FRMD3: variants seen among roughly 807,000 people sequenced by gnomAD.
FRMD3 encodes the protein FERM domain-containing protein 3.
FRMD3 carries 33 observed loss-of-function variants against 70.2 expected under a neutral mutation model. The observed-to-expected ratio is 0.47, with a 90% CI of 0.36 to 0.63. The LOEUF (loss-of-function observed/expected upper bound fraction) is 0.63, where lower values mean the gene tolerates loss of function less well. FRMD3 is among the 20% of genes least tolerant of loss of function. The probability of loss-of-function intolerance (pLI) is 0.00; values close to 1 mark genes in which losing one functional copy is unlikely to be tolerated. For missense variants in FRMD3, 632 were observed against 711.4 expected (o/e 0.89, Z 1.27); for synonymous variants, 279 against 255.9 (o/e 1.09, Z -0.86).
At chr9:83,389,487 T>C (rs1825604310) in intron 2 of FRMD3, 117 bp downstream of exon 2, 4 of 701,012 alleles carry the variant, frequency 5.7e-6, no homozygotes, top group Admixed American at 2.2e-5. Context: ...CAGGGTTTCA[T>C]GTGCCCAATA....
chr9:83,280,082 A>C (rs528395236), intron 13 of FRMD3, among the ~76,000 whole-genome samples: 12 of 152,382 alleles, frequency 7.9e-5, no homozygotes, highest in African/African-American at 2.6e-4. Context: ...TAAGAGCAGT[A>C]GCAATCTGGA....
chr9:83,284,732 A>C lies in FRMD3; in HGVS notation c.1195+5871T>G, dbSNP rs1834119144. Among the ~76,000 whole-genome samples, 4 of 152,264 alleles carry C rather than the reference A, an allele frequency of 2.6e-5. No homozygotes were observed. The South Asian group carries it at 8.3e-4, about 31-fold the overall frequency. ...TGGTGGGAAGAAAGACACCGAAGCC[A>C]TAAGAATAGGGTAAATTTGTCTGAA... is the stretch of plus-strand genomic sequence containing the variant. On this transcript the variant is annotated intron_variant, in intron 13 of 13. Coordinates refer to ENST00000304195, the MANE Select transcript of FRMD3 (RefSeq NM_174938.6).
chr9:83,510,261 G>A lies in FRMD3; in HGVS notation c.147+27824C>T, dbSNP rs574562404. On this transcript the variant is annotated intron_variant, in intron 1 of 13. Transcript: ENST00000304195. ...CAGCTACCTAAGGAAAAAATGTATA[G>A]TCAAGATGCAGATGGAAGTTATCAG... is the stretch of plus-strand genomic sequence containing the variant. 7.2e-5 allele frequency among the ~76,000 whole-genome samples: 11 copies of A among 152,304 alleles called. No homozygotes were observed. In the South Asian group the frequency reaches 2.3e-3, roughly 32 times the overall value.
At chr9:83,445,224 A>C (rs1057120635) in intron 1 of FRMD3, among the ~76,000 whole-genome samples, 2 of 152,100 alleles carry the variant, frequency 1.3e-5, no homozygotes, top group African/African-American at 4.8e-5. Flanking sequence ...AAAAATACAA[A>C]AATTAGCTGG....
rs1829932233 is a variant in FRMD3 at position 83,537,836 on chromosome 9, C to A, written c.147+249G>T. Among the ~76,000 whole-genome samples, 1 of 150,702 alleles carries A rather than the reference C, an allele frequency of 6.6e-6. No homozygotes were observed. The highest frequency in any genetic ancestry group is 2.4e-5 in the African/African-American group (1 of 40,882). ...TAGCCCGGGCGCAGTGAGACGCGCG[C>A]GCAGGGTGCACGCGAGGGGAAGGAG... On this transcript the variant is annotated intron_variant, in intron 1 of 13. Coordinates refer to ENST00000304195, the MANE Select transcript of FRMD3 (RefSeq NM_174938.6). This position sits in a 1 kb window ranked among gnomAD's most constrained non-coding sequence, Gnocchi z 4.1.
At chr9:83,429,011 A>G (rs1165735132) in intron 1 of FRMD3, among the ~76,000 whole-genome samples, 1 of 152,198 alleles carries the variant, frequency 6.6e-6, no homozygotes, top group Admixed American at 6.5e-5. Flanking sequence ...AATGGACGGC[A>G]TGGCCTCCTT....
chr9:83,270,625 T>C (rs778829038), intron 13 of FRMD3, among the ~76,000 whole-genome samples: 1 of 152,230 alleles, frequency 6.6e-6, no homozygotes, highest in Non-Finnish European at 1.5e-5. Context: ...TTTGGAGCAG[T>C]CCTTGGGTTC....
At chr9:83,286,090 A>G (rs886501715) in intron 13 of FRMD3, among the ~76,000 whole-genome samples, 2 of 152,168 alleles carry the variant, frequency 1.3e-5, no homozygotes, top group African/African-American at 4.8e-5. Flanking sequence ...CCACTGCATT[A>G]ATCTGGGCAA....
At chr9:83,581,385 T>C in the FRMD3 span, among the ~76,000 whole-genome samples, 6 of 152,316 alleles carry the variant, frequency 3.9e-5, no homozygotes, top group South Asian at 2.1e-4. Context: ...TCCGTAATCA[T>C]TGAGGAAATG....
chr9:83,283,530 CAAAAAAAAA>C (rs765093024), intron 13 of FRMD3, among the ~76,000 whole-genome samples: 1,403 of 132,254 alleles, frequency 0.011, 14 homozygotes, highest in South Asian at 0.03. Flanking sequence ...GAATCCATCT[CAAAAAAAAA>C]AAAAAAAAAT....
chr9:83,290,436 A>T (rs1834372134), intron 13 of FRMD3, among the ~76,000 whole-genome samples, 167 bp downstream of exon 13: 1 of 152,214 alleles, frequency 6.6e-6, no homozygotes, highest in South Asian at 2.1e-4. Context: ...CTCCCAGTAT[A>T]ATACAGCCTT....
At chr9:83,509,910 A>T (rs917625787) in intron 1 of FRMD3, among the ~76,000 whole-genome samples, 3 of 152,192 alleles carry the variant, frequency 2.0e-5, no homozygotes, top group African/African-American at 7.2e-5. Flanking sequence ...TAAAAAAAAT[A>T]AGCTCGTGAC....
intron 13 of FRMD3, among the ~76,000 whole-genome samples, chr9:83,284,930 G>A (rs1834125418): frequency 6.6e-6 from 1 of 151,872 alleles, no homozygotes; most frequent in Non-Finnish European, 1.5e-5. Context: ...GAGCAACTGT[G>A]TAGTGCATGA....
chr9:83,523,338 G>A (rs1354991838), intron 1 of FRMD3, among the ~76,000 whole-genome samples: 2 of 152,148 alleles, frequency 1.3e-5, no homozygotes, highest in Non-Finnish European at 2.9e-5. Context: ...TAGATAGATA[G>A]ATGGATGAAA....
chr9:83,436,280 G>T (rs1827130157), intron 1 of FRMD3, among the ~76,000 whole-genome samples: 1 of 152,104 alleles, frequency 6.6e-6, no homozygotes, highest in Non-Finnish European at 1.5e-5. Flanking sequence ...CACACTAAGG[G>T]TCAAATCATA....
chr9:83,389,826 T>C, intron 1 of FRMD3, 118 bp from the exon 2 acceptor site: 1 of 672,556 alleles, frequency 1.5e-6, no homozygotes, highest in South Asian at 1.8e-5. Flanking sequence ...CTCACTCCAG[T>C]CCCTGAAGAA....
At chr9:83,436,260 GT>G (rs1827129684) in intron 1 of FRMD3, among the ~76,000 whole-genome samples, 1 of 152,132 alleles carries the variant, frequency 6.6e-6, no homozygotes, top group Non-Finnish European at 1.5e-5. Flanking sequence ...AAAACCACTT[GT>G]TGTTCTCTCA....
intron 13 of FRMD3, among the ~76,000 whole-genome samples, chr9:83,249,566 T>G (rs2118519203): frequency 6.6e-6 from 1 of 152,314 alleles, no homozygotes; most frequent in South Asian, 2.1e-4. Context: ...CAGGCATAAC[T>G]TACTGGTTTT....
chr9:83,288,262 AT>A (rs1217607280), intron 13 of FRMD3, among the ~76,000 whole-genome samples: 2 of 152,200 alleles, frequency 1.3e-5, no homozygotes, highest in African/African-American at 4.8e-5. Flanking sequence ...ATTGCTTGAC[AT>A]TCAAAGACAA....
Sources: allele counts gnomAD v4.1 joint callset (sites outside exome capture counted in the v4.1 genomes callset), GRCh38; gene constraint gnomAD v4.1.1; non-coding constraint Gnocchi (gnomAD v3.1); transcripts MANE v1.5; gene names NCBI Gene and HGNC (gene_info 2026-07-23, HGNC 2026-07-21).